Variants in NLRP3 observed in about 807,000 individuals in gnomAD.
NLRP3 encodes the protein NLR family pyrin domain containing 3, also known as NACHT, LRR and PYD domains-containing protein 3.
Under a neutral mutation model 91.3 loss-of-function variants are expected in NLRP3, and 48 were observed. The ratio of observed to expected loss-of-function variants is 0.53; its 90% CI spans 0.42 to 0.67. The LOEUF is 0.67. Among genes scored for constraint, NLRP3 ranks in the 30% least tolerant of loss-of-function variants. The pLI, the probability that NLRP3 is intolerant of heterozygous loss-of-function variation, is 0.00. For synonymous variants in NLRP3, 561 were observed against 507.9 expected (o/e 1.10, Z -1.41); for missense variants, 982 against 1,276.9 (o/e 0.77, Z 3.52).
In NLRP3 at chr1:247,425,412, C is replaced by T; in HGVS notation, c.1963C>T (p.Leu655Phe). 1 of 1,614,218 alleles carries T rather than the reference C, an allele frequency of 6.2e-7. No homozygotes were observed. The highest frequency in any genetic ancestry group is 8.5e-7 in the Non-Finnish European group (1 of 1,180,040). The change falls in exon 4 of 10, where the codon CTC (leucine) becomes TTC (phenylalanine). Residue 655 changes from leucine to phenylalanine, a missense_variant. Coordinates refer to ENST00000336119, the MANE Select transcript of NLRP3 (RefSeq NM_001243133.2). This position sits in a 1 kb window ranked among gnomAD's most constrained non-coding sequence, Gnocchi z 4.1. The part of the protein sequence containing the change: ...MDYFPKIEIN[L>F]STRMDHMVSS... The stretch of plus-strand genomic sequence containing the variant: ...CTATTTCCCCAAGATTGAGATCAAT[C>T]TCTCCACCAGAATGGACCACATGGT...
At chr1:247,426,943 C>T (rs145834394) in intron 4 of NLRP3, among the ~76,000 whole-genome samples, 156 of 152,100 alleles carry the variant, frequency 1.0e-3, no homozygotes, top group African/African-American at 3.4e-3. Flanking sequence ...ACGGTTTCTA[C>T]GGCAGCAAAC....
At chr1:247,434,076 C>T in intron 5 of NLRP3, 27 bp from the exon 6 acceptor site, 2 of 1,613,616 alleles carry the variant, frequency 1.2e-6, no homozygotes, top group African/African-American at 1.3e-5. Flanking sequence ...TGTTCTGATG[C>T]TTTCTGCCTC....
rs1452158799 is a variant in NLRP3, at chr1:247,418,889, A to G, written c.89A>G (p.Tyr30Cys). The G allele has an allele frequency of 6.2e-7, 1 of 1,614,076 alleles. No individual in the cohort carries two copies. The highest frequency in any genetic ancestry group is 1.7e-5 in the Admixed American group (1 of 60,006). The change falls in exon 2 of 10, where the codon TAT becomes TGT. Residue 30 changes from tyrosine to cysteine, a missense_variant. This residue lies in a region of NLRP3 where 548 missense variants were observed against 713.7 expected (regional missense o/e 0.77). Coordinates refer to ENST00000336119, the MANE Select transcript of NLRP3 (RefSeq NM_001243133.2). ...AAATTTAAGATGCACTTAGAGGACTATCCTCCCCAGAAGGGCTGCATCCCC... is the reference window on the plus strand; with the variant it reads ...AAATTTAAGATGCACTTAGAGGACTGTCCTCCCCAGAAGGGCTGCATCCCC... ...LKKFKMHLED[Y>C]PPQKGCIPLP...
intron 1 of NLRP3, among the ~76,000 whole-genome samples, chr1:247,417,395 C>G (rs2103079028): frequency 6.6e-6 from 1 of 152,288 alleles, no homozygotes; most frequent in South Asian, 2.1e-4. Context: ...CTGTGGAAAG[C>G]TCTAAATTAA....
chr1:247,425,278 T>G lies in NLRP3; in HGVS notation c.1829T>G (p.Ile610Ser). Residue 610 changes from isoleucine (I) to serine (S), a missense_variant, in exon 4 of 10, where the codon ATT becomes AGT. Ile to Ser is a moderately radical substitution (Grantham distance 142, BLOSUM62 -2). Coordinates refer to ENST00000336119, the MANE Select transcript of NLRP3 (RefSeq NM_001243133.2). This position sits in a 1 kb window ranked among gnomAD's most constrained non-coding sequence, Gnocchi z 4.1. ...ATCAGGCTGGAGCTGCTGAAATGGA[T>G]TGAAGTGAAAGCCAAAGCTAAAAAG... is the stretch of plus-strand genomic sequence containing the variant. ...QQIRLELLKWIEVKAKAKKLQ... is the reference protein window; with the variant it reads ...QQIRLELLKWSEVKAKAKKLQ... 6.2e-7 allele frequency: 1 copy of G among 1,614,154 alleles called. No homozygotes were observed. The highest frequency in any genetic ancestry group is 8.5e-7 in the Non-Finnish European group (1 of 1,180,024).
intron 2 of NLRP3, among the ~76,000 whole-genome samples, chr1:247,421,231 A>G (rs545943716): frequency 3.3e-5 from 5 of 152,324 alleles, no homozygotes; most frequent in African/African-American, 1.2e-4. Flanking sequence ...AAGGAGGAGT[A>G]CAAATGAGTC....
chr1:247,424,943 T>A lies in NLRP3; in HGVS notation c.1494T>A (p.Ser498=). 1 of 1,613,996 alleles carries A rather than the reference T, an allele frequency of 6.2e-7. No homozygotes were observed. Among genetic ancestry groups the A allele is most frequent in the Non-Finnish European group, 8.5e-7 (1 of 1,180,034 alleles). The change falls in exon 4 of 10, where the codon TCT becomes TCA. Residue 498 remains serine, a synonymous_variant. Coordinates refer to ENST00000336119, the MANE Select transcript of NLRP3 (RefSeq NM_001243133.2). This position sits in a 1 kb window ranked among gnomAD's most constrained non-coding sequence, Gnocchi z 8.1. ...ATGGACTGCAGAAGGCGGATGTGTC[T>A]GCTTTCCTGAGGATGAACCTGTTCC... ...RNHGLQKADV[S]AFLRMNLFQK...
intron 1 of NLRP3, among the ~76,000 whole-genome samples, chr1:247,417,054 C>A (rs1662113768): frequency 1.3e-5 from 2 of 152,196 alleles, no homozygotes. Context: ...CAGGTGATTG[C>A]TAGTTTTTGT....
rs201532680 is a variant in NLRP3, at chr1:247,448,483, C to T, written c.3084C>T (p.Val1028=). 1.2e-5 allele frequency: 20 copies of T among 1,612,538 alleles called. No individual in the cohort carries two copies. The African/African-American group carries it at 2.3e-4, about 18-fold the overall frequency. ...AAGAAGAAAAGCCTGAGCTGACCGT[C>T]GTCTTTGAGCCTTCTTGGTAGGAGT... The part of the protein sequence containing the change: ...TLQEEKPELT[V]VFEPSW Residue 1028 remains valine, a synonymous_variant, in exon 10 of 10, where the codon GTC becomes GTT. Coordinates refer to ENST00000336119, the MANE Select transcript of NLRP3 (RefSeq NM_001243133.2).
At chr1:247,445,630 T>C (rs1022163372) in intron 9 of NLRP3, among the ~76,000 whole-genome samples, 14 of 152,198 alleles carry the variant, frequency 9.2e-5, no homozygotes, top group Non-Finnish European at 1.8e-4. Context: ...TCGTCTCCTC[T>C]CTAGCAAGAG....
intron 7 of NLRP3, among the ~76,000 whole-genome samples, chr1:247,437,772 CT>C (rs1433149832): frequency 6.6e-6 from 1 of 152,172 alleles, no homozygotes; most frequent in Non-Finnish European, 1.5e-5. Context: ...ATAAGAAAAA[CT>C]GGAGTGACGG....
intron 5 of NLRP3, 115 bp downstream of exon 5, chr1:247,429,870 C>G (rs1663181630): frequency 7.3e-7 from 1 of 1,362,048 alleles, no homozygotes; most frequent in East Asian, 2.4e-5. Flanking sequence ...TCTTTCTTTT[C>G]TTTTTCTTTT....
At chr1:247,445,978 G>A (rs1207840136) in intron 9 of NLRP3, among the ~76,000 whole-genome samples, 1 of 152,012 alleles carries the variant, frequency 6.6e-6, no homozygotes, top group East Asian at 1.9e-4. Flanking sequence ...TCTTCTTGAA[G>A]GTTTAATAAA....
In NLRP3 at chr1:247,424,034, G is replaced by A; in HGVS notation, c.585G>A (p.Glu195=). 6.2e-7 allele frequency: 1 copy of A among 1,614,034 alleles called. No homozygotes were observed. The highest frequency in any genetic ancestry group is 1.1e-5 in the South Asian group (1 of 91,046). The change falls in exon 4 of 10, where the codon GAG becomes GAA. Residue 195 remains glutamate, a synonymous_variant. Transcript: ENST00000336119. This position sits in a 1 kb window ranked among gnomAD's most constrained non-coding sequence, Gnocchi z 8.1. ...LLAIGKTKTC[E]SPVSPIKMEL... ...CCATCGGCAAGACCAAGACGTGTGA[G>A]AGCCCCGTGAGTCCCATTAAGATGG... is the stretch of plus-strand genomic sequence containing the variant.
At position 247,434,042 on chromosome 1, in the gene NLRP3, G is replaced by A. The variant is rs61841186; in HGVS notation, c.2322-61G>A. Reference sequence around the variant, plus strand: ...TCAGGTGTGTCCTGATGCTTCCTCTGTTCTGGAGCTCTCTGGTCAGGTGTG... The same window carrying A: ...TCAGGTGTGTCCTGATGCTTCCTCTATTCTGGAGCTCTCTGGTCAGGTGTG... On this transcript the variant is annotated intron_variant, in intron 5 of 9. Transcript: ENST00000336119. 7,826 of 760,766 alleles carry A rather than the reference G, an allele frequency of 0.01. 1,403 individuals are homozygous for A. The highest frequency in any genetic ancestry group is 0.04 in the Admixed American group (1,292 of 32,122). 47.1% of individuals were successfully genotyped at this position (760,766 alleles called of 1,614,324 possible).
At chr1:247,422,067 C>T (rs564415104) in intron 2 of NLRP3, among the ~76,000 whole-genome samples, 1 of 152,170 alleles carries the variant, frequency 6.6e-6, no homozygotes, top group East Asian at 1.9e-4. Context: ...ATATGGTTAC[C>T]AAGTAGACAG....
intron 5 of NLRP3, 104 bp from the exon 6 acceptor site, chr1:247,433,999 T>A (rs371825951): frequency 1.2e-6 from 1 of 819,344 alleles, no homozygotes; most frequent in Non-Finnish European, 1.9e-6. Flanking sequence ...ATGCTTTCTC[T>A]ATTCCGGAGC....
chr1:247,432,657 G>A (rs1221852792), intron 5 of NLRP3, among the ~76,000 whole-genome samples: 4 of 152,136 alleles, frequency 2.6e-5, no homozygotes, highest in East Asian at 1.9e-4. Context: ...GAGATGCTTC[G>A]CAGAGAAGTA....
rs1663619844 is a variant in NLRP3, at chr1:247,434,257, A to C, written c.2476A>C (p.Asn826His). The C allele has an allele frequency of 1.2e-6, 2 of 1,614,242 alleles. No homozygotes were observed. The highest frequency in any genetic ancestry group is 1.7e-6 in the Non-Finnish European group (2 of 1,180,028). ...LCVGLKHLLC[N>H]LKKLWLVSCC... ...TGTGGGACTGAAGCACCTGTTGTGCAATCTGAAGAAGCTCTGGTGAGTCGA... is the reference window on the plus strand; with the variant it reads ...TGTGGGACTGAAGCACCTGTTGTGCCATCTGAAGAAGCTCTGGTGAGTCGA... The change falls in exon 6 of 10, where the codon AAT becomes CAT. Residue 826 changes from asparagine to histidine, a missense_variant. Transcript: ENST00000336119.
Sources: gnomAD v4.1 joint callset for allele counts (sites outside exome capture counted in the v4.1 genomes callset) on GRCh38, gnomAD v4.1.1 for gene constraint, gnomAD v4.1.1 regional missense constraint, Gnocchi (gnomAD v3.1) non-coding constraint, MANE v1.5 for transcripts, NCBI Gene and HGNC (gene_info 2026-07-23, HGNC 2026-07-21) for gene names.